SESTD1: variants seen among roughly 807,000 people sequenced by gnomAD.
SESTD1 encodes SEC14 and spectrin domain containing 1, also known as SEC14 domain and spectrin repeat-containing protein 1.
Under a neutral mutation model 101.7 loss-of-function variants are expected in SESTD1, and 43 were observed. The observed-to-expected ratio is 0.42, with a 90% CI of 0.33 to 0.55. The LOEUF is 0.55. Among genes scored for constraint, SESTD1 ranks in the 20% least tolerant of loss-of-function variants. The probability of loss-of-function intolerance (pLI) is 0.07; values close to 1 mark genes in which losing one functional copy is unlikely to be tolerated. For synonymous variants in SESTD1, 283 were observed against 286.8 expected, an observed-to-expected ratio of 0.99 and a Z score of 0.13; for missense variants, 647 against 815.1, an observed-to-expected ratio of 0.79 and a Z score of 2.51.
At chr2:179,127,499 A>C (rs1278896889) in intron 10 of SESTD1, among the ~76,000 whole-genome samples, 1 of 152,232 alleles carries the variant, frequency 6.6e-6, no homozygotes. Context: ...CTGACATTAC[A>C]TTAAGTAGGT....
chr2:179,158,431 G>T (rs991780482), intron 5 of SESTD1, among the ~76,000 whole-genome samples: 2 of 152,104 alleles, frequency 1.3e-5, no homozygotes, highest in Admixed American at 1.3e-4. Flanking sequence ...CAAGTTTAAT[G>T]AGCCACACGG....
intron 1 of SESTD1, among the ~76,000 whole-genome samples, chr2:179,222,673 G>C (rs1177947765): frequency 1.3e-5 from 2 of 152,168 alleles, no homozygotes; most frequent in African/African-American, 4.8e-5. Context: ...CTGAGGCACA[G>C]AGAAGTAATC....
intron 1 of SESTD1, among the ~76,000 whole-genome samples, chr2:179,220,144 C>T (rs2105525735): frequency 6.6e-6 from 1 of 152,180 alleles, no homozygotes; most frequent in South Asian, 2.1e-4. Flanking sequence ...CACTTAAAAA[C>T]CCTTTTCAAA....
intron 1 of SESTD1, among the ~76,000 whole-genome samples, chr2:179,198,127 A>G (rs182343203): frequency 0.011 from 1,686 of 152,276 alleles, 111 homozygotes; most frequent in Admixed American, 0.094. Context: ...CTACCAAGCA[A>G]ATGGAAAACA....
intron 1 of SESTD1, among the ~76,000 whole-genome samples, chr2:179,234,250 G>A (rs2047027201): frequency 1.3e-5 from 2 of 152,128 alleles, no homozygotes; most frequent in Non-Finnish European, 1.5e-5. Flanking sequence ...TGGGTCTCCA[G>A]CCTGCTTGCT....
intron 1 of SESTD1, among the ~76,000 whole-genome samples, chr2:179,247,478 G>A (rs1464243973): frequency 2.0e-5 from 3 of 152,196 alleles, no homozygotes; most frequent in Non-Finnish European, 4.4e-5. Flanking sequence ...AGGCAGGAAT[G>A]CAGTGGCACC....
Position 179,172,318 on chromosome 2 carries a change from T to A in SESTD1, c.256-85A>T. On this transcript the variant is annotated intron_variant, in intron 4 of 17. Coordinates refer to ENST00000428443, the MANE Select transcript of SESTD1 (RefSeq NM_178123.5). ...TTATAAATTACCAGACAGTCAAGAT[T>A]ATGCTACATAAGAGATTTTTGGAGA... The A allele has an allele frequency of 3.6e-6, 3 of 844,844 alleles. No individual in the cohort carries two copies. The South Asian group carries it at 7.0e-5, about 20-fold the overall frequency. 52.3% of individuals were successfully genotyped at this position (844,844 alleles called of 1,614,324 possible).
At chr2:179,151,245 C>T in intron 6 of SESTD1, 33 bp downstream of exon 6, 1 of 1,301,134 alleles carries the variant, frequency 7.7e-7, no homozygotes, top group African/African-American at 1.5e-5. Context: ...TATTTCTATG[C>T]AATAACATTT....
Position 179,105,461 on chromosome 2 carries a change from T to C in SESTD1, c.*4438A>G, listed in dbSNP as rs868053656. 1 of 152,072 alleles carries C rather than the reference T, an allele frequency of 6.6e-6. No individual in the cohort carries two copies. Among genetic ancestry groups the C allele is most frequent in the Non-Finnish European group, 1.5e-5 (1 of 68,010 alleles). 9.4% of individuals were successfully genotyped at this position (152,072 alleles called of 1,614,324 possible). On this transcript the variant is annotated 3_prime_UTR_variant, in exon 18 of 18. Coordinates refer to ENST00000428443, the MANE Select transcript of SESTD1 (RefSeq NM_178123.5). Reference sequence around the variant, plus strand: ...TGATGAGCTTACCAACTGGACCTTTTGTATCTTCAGTGTGTAATTCTGAAG... The same window carrying C: ...TGATGAGCTTACCAACTGGACCTTTCGTATCTTCAGTGTGTAATTCTGAAG...
intron 5 of SESTD1, among the ~76,000 whole-genome samples, chr2:179,154,301 G>C (rs1036122846): frequency 6.7e-6 from 1 of 149,566 alleles, no homozygotes; most frequent in Non-Finnish European, 1.5e-5. Context: ...AAGGAAGAGA[G>C]GGAGGGAGGG....
intron 1 of SESTD1, among the ~76,000 whole-genome samples, chr2:179,258,228 TCTAAC>T (rs1202532865): frequency 2.0e-5 from 3 of 152,240 alleles, no homozygotes; most frequent in Admixed American, 2.0e-4. Context: ...ATAAAAATTA[TCTAAC>T]CTAAACTCAG....
intron 1 of SESTD1, among the ~76,000 whole-genome samples, chr2:179,254,563 TAAC>T (rs2047365804): frequency 6.6e-6 from 1 of 152,226 alleles, no homozygotes; most frequent in Non-Finnish European, 1.5e-5. Context: ...CTCCTACTCA[TAAC>T]AATAAACACT....
chr2:179,227,682 A>G (rs1197396979), intron 1 of SESTD1, among the ~76,000 whole-genome samples: 1 of 152,224 alleles, frequency 6.6e-6, no homozygotes, highest in East Asian at 1.9e-4. Flanking sequence ...TGCTTTTAGT[A>G]CAAAGCTTAG....
At chr2:179,123,126 A>G (rs1272899122) in intron 12 of SESTD1, among the ~76,000 whole-genome samples, 2 of 152,028 alleles carry the variant, frequency 1.3e-5, no homozygotes, top group Non-Finnish European at 2.9e-5. Flanking sequence ...ACCTTTTAGG[A>G]AAGTTCACTG....
intron 1 of SESTD1, among the ~76,000 whole-genome samples, 185 bp from the exon 2 acceptor site, chr2:179,192,051 C>T (rs1025443228): frequency 5.3e-5 from 8 of 152,132 alleles, no homozygotes; most frequent in South Asian, 2.1e-4. Flanking sequence ...CCTGGTCTCT[C>T]TCTACTCACT....
chr2:179,185,481 C>G (rs142664244), intron 2 of SESTD1, among the ~76,000 whole-genome samples: 1,967 of 138,342 alleles, frequency 0.014, 44 homozygotes, highest in African/African-American at 0.05. Flanking sequence ...TATTACTTAT[C>G]ATATATACAA....
At chr2:179,257,992 G>C (rs1275033921) in intron 1 of SESTD1, among the ~76,000 whole-genome samples, 3 of 152,182 alleles carry the variant, frequency 2.0e-5, no homozygotes. Flanking sequence ...CCTTACCAAA[G>C]CCCAATGTGG....
intron 1 of SESTD1, among the ~76,000 whole-genome samples, chr2:179,240,734 T>C (rs542585543): frequency 7.2e-5 from 11 of 152,148 alleles, no homozygotes; most frequent in Non-Finnish European, 1.6e-4. Flanking sequence ...ACTTTCATTC[T>C]TGAAAGTCTG....
Position 179,121,877 on chromosome 2 carries a change from G to A in SESTD1, c.1335C>T (p.Ile445=). ...REKGQGLLDQ[I]SNQASWAYGK... is the part of the protein sequence containing the mutation. ...CATAGGCCCAGGATGCCTGATTGGA[G>A]ATCTGATCCAGGAGACCTTGACCTT... Residue 445 remains isoleucine (I), a synonymous_variant, in exon 13 of 18, where the codon ATC becomes ATT. Coordinates refer to ENST00000428443, the MANE Select transcript of SESTD1 (RefSeq NM_178123.5). The A allele has an allele frequency of 6.2e-7, 1 of 1,608,806 alleles. No individual in the cohort carries two copies. The highest frequency in any genetic ancestry group is 8.5e-7 in the Non-Finnish European group (1 of 1,177,788).
Sources: allele counts gnomAD v4.1 joint callset (sites outside exome capture counted in the v4.1 genomes callset), GRCh38; gene constraint gnomAD v4.1.1; transcripts MANE v1.5; gene names NCBI Gene and HGNC (gene_info 2026-07-23, HGNC 2026-07-21).